Variants in LGSN observed in about 807,000 individuals in gnomAD.
LGSN encodes lengsin, lens protein with glutamine synthetase domain.
In LGSN, 21 loss-of-function variants were observed where a neutral mutation model predicts 19.5. That is an observed-to-expected ratio of 1.07 (90% CI 0.76 to 1.55). The LOEUF is 1.55. LGSN is among the 40% of genes most tolerant of loss of function. The pLI, the probability that LGSN is intolerant of heterozygous loss-of-function variation, is 0.00. For missense variants in LGSN, 673 were observed against 608.5 expected, an observed-to-expected ratio of 1.11 and a Z score of -1.12; for synonymous variants, 257 against 215.6, an observed-to-expected ratio of 1.19 and a Z score of -1.68.
chr6:63,427,515 G>A, the LGSN span, among the ~76,000 whole-genome samples: 4 of 152,266 alleles, frequency 2.6e-5, no homozygotes, highest in Admixed American at 2.0e-4. Context: ...ACAATATAAA[G>A]TGTCTCAGTA....
At chr6:63,472,426 C>A in the LGSN span, among the ~76,000 whole-genome samples, 1 of 152,234 alleles carries the variant, frequency 6.6e-6, no homozygotes, top group East Asian at 1.9e-4. Context: ...TCTTGAAGTG[C>A]TTCAACATTG....
the LGSN span, among the ~76,000 whole-genome samples, chr6:63,466,696 A>C: frequency 5.9e-5 from 9 of 152,266 alleles, no homozygotes; most frequent in African/African-American, 1.4e-4. Context: ...TATGACTCCA[A>C]AGTTTTGGAC....
the LGSN span, among the ~76,000 whole-genome samples, chr6:63,510,970 C>A: frequency 2.6e-5 from 4 of 151,986 alleles, no homozygotes; most frequent in Admixed American, 1.3e-4. Flanking sequence ...CCACCGCTCC[C>A]GGTCAAGATG....
At chr6:63,308,469 A>G (rs1768482963) in intron 1 of LGSN, among the ~76,000 whole-genome samples, 1 of 152,216 alleles carries the variant, frequency 6.6e-6, no homozygotes, top group Non-Finnish European at 1.5e-5. Context: ...ACCTAAAGGA[A>G]TACTGCCAAG....
chr6:63,302,779 G>T (rs1768235471), intron 1 of LGSN, among the ~76,000 whole-genome samples: 1 of 152,188 alleles, frequency 6.6e-6, no homozygotes, highest in Non-Finnish European at 1.5e-5. Context: ...GACTCATGGA[G>T]AGTCTGGAGA....
At chr6:63,418,627 A>G in the LGSN span, among the ~76,000 whole-genome samples, 1 of 152,236 alleles carries the variant, frequency 6.6e-6, no homozygotes. Context: ...AAGAAGGCGG[A>G]CTGGCTAGGA....
chr6:63,349,392 C>A, the LGSN span, among the ~76,000 whole-genome samples: 5 of 152,068 alleles, frequency 3.3e-5, no homozygotes, highest in Admixed American at 3.3e-4. Flanking sequence ...AATTCCCAAC[C>A]CTTGGTGCAA....
At chr6:63,438,005 C>T in the LGSN span, among the ~76,000 whole-genome samples, 1 of 152,174 alleles carries the variant, frequency 6.6e-6, no homozygotes, top group Non-Finnish European at 1.5e-5. Context: ...AATCTCTGTC[C>T]ACACTGCCAT....
At chr6:63,330,088 G>T in the LGSN span, among the ~76,000 whole-genome samples, 2 of 152,216 alleles carry the variant, frequency 1.3e-5, no homozygotes, top group Non-Finnish European at 2.9e-5. Flanking sequence ...GGATCATCTG[G>T]TTGGGGCTTC....
the LGSN span, among the ~76,000 whole-genome samples, chr6:63,542,103 T>A: frequency 2.0e-5 from 3 of 150,962 alleles, no homozygotes; most frequent in African/African-American, 7.3e-5. Context: ...TAAAAAGGAA[T>A]AAATTAATGG....
the LGSN span, among the ~76,000 whole-genome samples, chr6:63,453,268 C>T: frequency 6.6e-6 from 1 of 152,012 alleles, no homozygotes; most frequent in Non-Finnish European, 1.5e-5. Context: ...TACTCTGCTG[C>T]TGTTACATGG....
chr6:63,446,226 G>A, the LGSN span, among the ~76,000 whole-genome samples: 1 of 139,634 alleles, frequency 7.2e-6, no homozygotes, highest in South Asian at 2.3e-4. Context: ...TCCAGCCTGG[G>A]CGACGAGACT....
chr6:63,559,454 A>C, the LGSN span, among the ~76,000 whole-genome samples: 3 of 152,192 alleles, frequency 2.0e-5, no homozygotes, highest in Non-Finnish European at 4.4e-5. Flanking sequence ...GGTTTAAAAA[A>C]TGAATTTCAC....
At chr6:63,549,237 G>T in the LGSN span, 1 of 737,882 alleles carries the variant, frequency 1.4e-6, no homozygotes. Context: ...CAGAGCAGCT[G>T]TTTGGTGGTC....
At chr6:63,392,870 A>ATCT in the LGSN span, among the ~76,000 whole-genome samples, 3 of 145,228 alleles carry the variant, frequency 2.1e-5, no homozygotes, top group Admixed American at 6.8e-5. Flanking sequence ...TGGTGGCTCC[A>ATCT]TCTTCTTCTT....
chr6:63,498,800 C>G, the LGSN span, among the ~76,000 whole-genome samples: 11 of 152,062 alleles, frequency 7.2e-5, no homozygotes, highest in Admixed American at 7.2e-4. Flanking sequence ...ATGGGAAACT[C>G]TTCCCAACAA....
At chr6:63,523,191 A>T in the LGSN span, among the ~76,000 whole-genome samples, 1 of 151,802 alleles carries the variant, frequency 6.6e-6, no homozygotes, top group Non-Finnish European at 1.5e-5. Context: ...TTTTTTTTAC[A>T]TCACTCTTAC....
rs1767215297 is a variant in LGSN at position 63,279,745 on chromosome 6, A to T, written c.*276T>A. ...TTGCCACCCAAAATTGGATATTCTT[A>T]TCCAGGTCAACATACACATAGGAAA... is the stretch of plus-strand genomic sequence containing the variant. On this transcript the variant is annotated 3_prime_UTR_variant, in exon 4 of 4. Transcript: ENST00000370657. 3 of 232,206 alleles carry T rather than the reference A, an allele frequency of 1.3e-5. No homozygotes were observed. The highest frequency in any genetic ancestry group is 2.3e-5 in the African/African-American group (1 of 43,980). The allele number at this position is 232,206 out of a possible 1,614,324, so 14.4% of individuals were successfully genotyped here.
the LGSN span, among the ~76,000 whole-genome samples, chr6:63,487,222 G>A: frequency 2.6e-5 from 4 of 151,906 alleles, no homozygotes; most frequent in Non-Finnish European, 5.9e-5. Context: ...CATTCTCCTT[G>A]GCCTCCCAAA....
Sources: gnomAD v4.1 joint callset for allele counts (sites outside exome capture counted in the v4.1 genomes callset) on GRCh38, gnomAD v4.1.1 for gene constraint, MANE v1.5 for transcripts, NCBI Gene and HGNC (gene_info 2026-07-23, HGNC 2026-07-21) for gene names.